DTNA: variants seen among roughly 807,000 people sequenced by gnomAD.
DTNA encodes the protein dystrobrevin alpha, also known as dystrophin-related protein 3.
A neutral mutation model predicts 100.7 loss-of-function variants in DTNA; 43 were observed. That is an observed-to-expected ratio of 0.43 (90% CI 0.33 to 0.55). The LOEUF is 0.55. DTNA is among the 20% of genes least tolerant of loss of function. The pLI is 0.04. For missense variants in DTNA, 798 were observed against 953.9 expected, an observed-to-expected ratio of 0.84 and a Z score of 2.15; for synonymous variants, 349 against 347.9, an observed-to-expected ratio of 1.00 and a Z score of -0.04.
intron 15 of DTNA, among the ~76,000 whole-genome samples, chr18:34,854,007 G>C (rs1478449741): frequency 6.6e-6 from 1 of 152,176 alleles, no homozygotes; most frequent in Admixed American, 6.5e-5. Flanking sequence ...AAGTAAAAGT[G>C]GGGACAGGCA....
intron 4 of DTNA, among the ~76,000 whole-genome samples, chr18:34,799,758 T>G (rs1440435378): frequency 6.6e-6 from 1 of 152,202 alleles, no homozygotes; most frequent in Non-Finnish European, 1.5e-5. Context: ...ACATTAAATA[T>G]CCTAATGTCA....
At chr18:34,780,317 A>T (rs532466169) in intron 3 of DTNA, among the ~76,000 whole-genome samples, 2 of 152,328 alleles carry the variant, frequency 1.3e-5, no homozygotes, top group East Asian at 3.9e-4. Flanking sequence ...CTTACTTCTA[A>T]CTTCCCAATA....
rs779686900 is a variant in DTNA at position 34,815,955 on chromosome 18, C to T, written c.650C>T (p.Pro217Leu). Residue 217 changes from proline (P) to leucine (L), a missense_variant, in exon 7 of 23, where the codon CCT becomes CTT. Pro to Leu is a moderately conservative substitution (Grantham distance 98). This residue lies in a region of DTNA where 81 missense variants were observed against 153.5 expected (regional missense o/e 0.53). Coordinates refer to ENST00000444659, the MANE Select transcript of DTNA (RefSeq NM_001386795.1). ...NGFLDTLMSD[P>L]PPQCLVWLPL... Reference sequence around the variant, plus strand: ...TTCTTGGACACGCTTATGTCAGATCCTCCCCCGCAGTGTCTGGTCTGGTTG... The same window carrying T: ...TTCTTGGACACGCTTATGTCAGATCTTCCCCCGCAGTGTCTGGTCTGGTTG... 3 of 1,613,814 alleles carry T rather than the reference C, an allele frequency of 1.9e-6. No individual in the cohort carries two copies. Among genetic ancestry groups the T allele is most frequent in the South Asian group, 1.1e-5 (1 of 91,074 alleles).
intron 16 of DTNA, 71 bp from the exon 17 acceptor site, chr18:34,863,895 C>T: frequency 1.4e-6 from 2 of 1,465,540 alleles, no homozygotes; most frequent in South Asian, 1.2e-5. Flanking sequence ...TCCACAAGTC[C>T]CTCAAGAATG....
chr18:34,718,036 A>G (rs969370879), intron 1 of DTNA, among the ~76,000 whole-genome samples: 2 of 152,212 alleles, frequency 1.3e-5, no homozygotes, highest in African/African-American at 2.4e-5. Context: ...TTCTCTTTAC[A>G]ATAAGTCAGG....
intron 1 of DTNA, among the ~76,000 whole-genome samples, chr18:34,524,658 C>A (rs1340049973): frequency 2.0e-5 from 3 of 152,126 alleles, no homozygotes; most frequent in African/African-American, 7.2e-5. Context: ...TTTTCTGGTG[C>A]TGGTGCTCTG....
At chr18:34,741,088 T>A (rs1287528550) in intron 1 of DTNA, among the ~76,000 whole-genome samples, 1 of 152,178 alleles carries the variant, frequency 6.6e-6, no homozygotes, top group Non-Finnish European at 1.5e-5. Context: ...TTCTACATAA[T>A]CGTATTGTAT....
intron 16 of DTNA, 52 bp from the exon 17 acceptor site, chr18:34,863,914 A>G (rs377195359): frequency 9.8e-6 from 15 of 1,535,262 alleles, no homozygotes; most frequent in East Asian, 7.1e-5. Context: ...TGGAAATGTG[A>G]TTAGCTCAGA....
chr18:34,782,328 G>T (rs763015292), intron 3 of DTNA, among the ~76,000 whole-genome samples: 21 of 152,098 alleles, frequency 1.4e-4, no homozygotes, highest in Non-Finnish European at 3.1e-4. Context: ...GAAAGCCATG[G>T]ACCTATGTTT....
intron 3 of DTNA, among the ~76,000 whole-genome samples, chr18:34,778,551 C>T (rs11659926): frequency 0.14 from 21,541 of 152,008 alleles, 1,591 homozygotes; most frequent in African/African-American, 0.18. Context: ...CCAAAATTTT[C>T]TCATCATCGC....
chr18:34,727,796 C>T (rs1200927290), intron 1 of DTNA, among the ~76,000 whole-genome samples: 2 of 152,164 alleles, frequency 1.3e-5, no homozygotes, highest in Non-Finnish European at 2.9e-5. Context: ...AAGTCCTGGC[C>T]TCAAGTGATC....
rs111344241 is a variant in DTNA, at chr18:34,860,224, T to G, written c.1646+1826T>G. ...ACCACGCCCGGCTAATTTTTTGTTT[T>G]TTTTTTTTTTTTTTTTTTTTTTTTT... On this transcript the variant is annotated intron_variant, in intron 16 of 22. Coordinates refer to ENST00000444659, the MANE Select transcript of DTNA (RefSeq NM_001386795.1). 6.9e-3 allele frequency among the ~76,000 whole-genome samples: 867 copies of G among 126,234 alleles called. 15 individuals are homozygous for G. Among genetic ancestry groups the G allele is most frequent in the African/African-American group, 0.025 (777 of 30,716 alleles). The allele number at this position is 126,234 out of a possible 152,430, so 82.8% of individuals were successfully genotyped here.
chr18:34,498,559 G>C (rs2039545354), intron 1 of DTNA, among the ~76,000 whole-genome samples: 1 of 151,616 alleles, frequency 6.6e-6, no homozygotes, highest in Admixed American at 6.6e-5. Context: ...CTCTTTTCCA[G>C]TGAGAGTTGT....
chr18:34,607,568 C>CA (rs2053390281), intron 1 of DTNA, among the ~76,000 whole-genome samples: 1 of 152,152 alleles, frequency 6.6e-6, no homozygotes, highest in East Asian at 1.9e-4. Context: ...AAATGGACTA[C>CA]ATTTTATGAT....
At chr18:34,753,361 A>ATTTTTTTTTT (rs751756097) in intron 1 of DTNA, among the ~76,000 whole-genome samples, 4 of 96,890 alleles carry the variant, frequency 4.1e-5, no homozygotes, top group African/African-American at 2.1e-4. Context: ...TTATTTATTT[A>ATTTTTTTTTT]TTTTATTTTT....
chr18:34,787,958 G>A lies in DTNA; in HGVS notation c.149-6079G>A, dbSNP rs1418288381. Reference sequence around the variant, plus strand: ...AATGCATTTTGTCTATTCTCGATGTGGTTATTGTTAACTAAGGAATTTCGT... The same window carrying A: ...AATGCATTTTGTCTATTCTCGATGTAGTTATTGTTAACTAAGGAATTTCGT... On this transcript the variant is annotated intron_variant, in intron 3 of 22. Transcript: ENST00000444659. Among the ~76,000 whole-genome samples, 3 of 152,124 alleles carry A rather than the reference G, an allele frequency of 2.0e-5. No individual in the cohort carries two copies. In the East Asian group the frequency reaches 5.8e-4, roughly 29 times the overall value.
chr18:34,636,864 G>A (rs2058722433), intron 1 of DTNA, among the ~76,000 whole-genome samples: 1 of 152,144 alleles, frequency 6.6e-6, no homozygotes, highest in Admixed American at 6.5e-5. Flanking sequence ...CAGATAATAG[G>A]TGTTGGTTAA....
At chr18:34,701,257 A>G (rs774825067) in intron 1 of DTNA, among the ~76,000 whole-genome samples, 3 of 152,150 alleles carry the variant, frequency 2.0e-5, no homozygotes, top group Non-Finnish European at 4.4e-5. Context: ...GTTCCTCAAC[A>G]TTCCCCCAAA....
intron 1 of DTNA, among the ~76,000 whole-genome samples, chr18:34,644,849 C>T (rs971072034): frequency 6.6e-6 from 1 of 152,028 alleles, no homozygotes; most frequent in Admixed American, 6.5e-5. Context: ...TATGAAAAGA[C>T]GACATAATAT....
Sources: allele counts gnomAD v4.1 joint callset (sites outside exome capture counted in the v4.1 genomes callset), GRCh38; gene constraint gnomAD v4.1.1; regional missense constraint gnomAD v4.1.1; transcripts MANE v1.5; gene names NCBI Gene and HGNC (gene_info 2026-07-23, HGNC 2026-07-21).